Variants in COL25A1 observed in about 807,000 individuals in gnomAD.
COL25A1 encodes collagen alpha-1(XXV) chain.
COL25A1 carries 103 observed loss-of-function variants against 128.4 expected under a neutral mutation model. The ratio of observed to expected loss-of-function variants is 0.80; its 90% CI spans 0.68 to 0.94. The LOEUF is 0.94. COL25A1 is among the 40% of genes least tolerant of loss of function. The probability of loss-of-function intolerance (pLI) is 0.00; values close to 1 mark genes in which losing one functional copy is unlikely to be tolerated. For missense variants in COL25A1, 745 were observed against 840.0 expected, an observed-to-expected ratio of 0.89 and a Z score of 1.40; for synonymous variants, 279 against 277.2, an observed-to-expected ratio of 1.01 and a Z score of -0.06.
chr4:109,006,219 T>C (rs1755954523), intron 6 of COL25A1, among the ~76,000 whole-genome samples: 1 of 151,208 alleles, frequency 6.6e-6, no homozygotes, highest in South Asian at 2.1e-4. Context: ...GCTTCTAATT[T>C]TGTGGGGGGG....
intron 19 of COL25A1, among the ~76,000 whole-genome samples, chr4:108,877,893 A>G (rs1294223939): frequency 6.6e-6 from 1 of 152,204 alleles, no homozygotes; most frequent in African/African-American, 2.4e-5. Context: ...ACATAGCAAG[A>G]AAGTATTTCA....
intron 3 of COL25A1, among the ~76,000 whole-genome samples, chr4:109,093,391 G>GA (rs2126011289): frequency 6.9e-6 from 1 of 145,214 alleles, no homozygotes; most frequent in East Asian, 2.0e-4. Flanking sequence ...AGGCCAAAGT[G>GA]AAAGGGTCAC....
At chr4:109,276,182 G>A (rs906611793) in intron 3 of COL25A1, among the ~76,000 whole-genome samples, 4 of 152,030 alleles carry the variant, frequency 2.6e-5, no homozygotes, top group African/African-American at 4.8e-5. Context: ...AGGCTGAGGC[G>A]GGTGGATCAC....
intron 3 of COL25A1, among the ~76,000 whole-genome samples, chr4:109,167,722 C>T (rs570970470): frequency 2.6e-5 from 4 of 152,064 alleles, no homozygotes; most frequent in African/African-American, 7.2e-5. Flanking sequence ...TGGATAAAGC[C>T]CACTGACAAG....
intron 3 of COL25A1, among the ~76,000 whole-genome samples, chr4:109,171,539 A>C (rs1773587399): frequency 1.3e-5 from 2 of 152,198 alleles, no homozygotes; most frequent in Non-Finnish European, 2.9e-5. Context: ...TAAGACACAG[A>C]CTAATTTCAT....
chr4:109,152,404 TG>T (rs1771589793), intron 3 of COL25A1, among the ~76,000 whole-genome samples: 1 of 152,182 alleles, frequency 6.6e-6, no homozygotes, highest in African/African-American at 2.4e-5. Context: ...TACCCTACAC[TG>T]TAAAGTATAT....
chr4:108,909,733 T>C (rs543613480), intron 13 of COL25A1, among the ~76,000 whole-genome samples: 13 of 152,208 alleles, frequency 8.5e-5, no homozygotes, highest in Non-Finnish European at 1.5e-4. Flanking sequence ...AGGAATTATT[T>C]GCCTTGAGGA....
In COL25A1 at chr4:108,843,363, T is replaced by C. The variant is rs1293224843; in HGVS notation, c.1629+1156A>G. Among the ~76,000 whole-genome samples the C allele has an allele frequency of 3.3e-5, 5 of 152,242 alleles. No individual in the cohort carries two copies. The East Asian group carries it at 9.7e-4, about 29-fold the overall frequency. Reference sequence around the variant, plus strand: ...GGAAAGAGTGACCATAATTTACTTATTCTGTAATACTGAAGTCCTTTGATT... The same window carrying C: ...GGAAAGAGTGACCATAATTTACTTACTCTGTAATACTGAAGTCCTTTGATT... On this transcript the variant is annotated intron_variant, in intron 30 of 37. Coordinates refer to ENST00000399132, the MANE Select transcript of COL25A1 (RefSeq NM_198721.4).
intron 6 of COL25A1, among the ~76,000 whole-genome samples, chr4:108,975,905 A>G (rs935342701): frequency 2.6e-5 from 4 of 152,032 alleles, no homozygotes; most frequent in African/African-American, 9.7e-5. Flanking sequence ...TATATTGTAC[A>G]TATGTATGTA....
chr4:109,282,155 C>T (rs1723438816), intron 3 of COL25A1, among the ~76,000 whole-genome samples: 1 of 151,836 alleles, frequency 6.6e-6, no homozygotes, highest in African/African-American at 2.4e-5. Flanking sequence ...TCAACGAAAT[C>T]ATTTTTTTAA....
chr4:109,114,466 C>A (rs1233380012), intron 3 of COL25A1, among the ~76,000 whole-genome samples: 1 of 151,924 alleles, frequency 6.6e-6, no homozygotes, highest in African/African-American at 2.4e-5. Context: ...GACATCAGAG[C>A]TGAGCTTTGA....
chr4:108,915,438 C>G (rs1209421941), intron 13 of COL25A1, among the ~76,000 whole-genome samples: 1 of 152,154 alleles, frequency 6.6e-6, no homozygotes, highest in Non-Finnish European at 1.5e-5. Flanking sequence ...TGAGCTTAGG[C>G]AATCCTCCTG....
chr4:109,113,576 C>A (rs911994857), intron 3 of COL25A1, among the ~76,000 whole-genome samples: 3 of 151,966 alleles, frequency 2.0e-5, no homozygotes, highest in African/African-American at 4.8e-5. Context: ...TTAATGGATA[C>A]ATTTAACATC....
chr4:108,908,959 C>A (rs1273279052), intron 13 of COL25A1, among the ~76,000 whole-genome samples: 1 of 152,096 alleles, frequency 6.6e-6, no homozygotes, highest in Non-Finnish European at 1.5e-5. Context: ...ATGCAAAAAC[C>A]TGAAAAGACA....
At chr4:109,250,726 C>A (rs1398128188) in intron 3 of COL25A1, among the ~76,000 whole-genome samples, 1 of 152,112 alleles carries the variant, frequency 6.6e-6, no homozygotes, top group Non-Finnish European at 1.5e-5. Flanking sequence ...CTGAATATAC[C>A]AATTTAAATG....
chr4:108,984,656 C>G (rs1042673340), intron 6 of COL25A1, among the ~76,000 whole-genome samples: 1 of 152,238 alleles, frequency 6.6e-6, no homozygotes, highest in Admixed American at 6.5e-5. Context: ...GTGCGGGGTT[C>G]GCTGAGCCCA....
chr4:109,285,695 T>C (rs1723809879), intron 3 of COL25A1, among the ~76,000 whole-genome samples: 1 of 152,202 alleles, frequency 6.6e-6, no homozygotes. Context: ...AAACAAATTT[T>C]ATAAACTTAC....
chr4:109,038,488 C>T (rs1028657951), intron 5 of COL25A1, among the ~76,000 whole-genome samples: 2 of 152,152 alleles, frequency 1.3e-5, no homozygotes, highest in Non-Finnish European at 2.9e-5. Flanking sequence ...TTCTGTTTCT[C>T]TGGAGCACCC....
chr4:108,855,192 T>TTTG (rs1553951513), intron 24 of COL25A1, among the ~76,000 whole-genome samples: 40 of 16,422 alleles, frequency 2.4e-3, no homozygotes, highest in Non-Finnish European at 0.012. Context: ...GTTGTTACTG[T>TTTG]TTTTTTTTTT....
Sources: allele counts gnomAD v4.1 joint callset (sites outside exome capture counted in the v4.1 genomes callset), GRCh38; gene constraint gnomAD v4.1.1; transcripts MANE v1.5; gene names NCBI Gene and HGNC (gene_info 2026-07-23, HGNC 2026-07-21).